Variants in KDM4C observed in about 807,000 individuals in gnomAD.
KDM4C encodes the protein lysine-specific demethylase 4C.
A neutral mutation model predicts 129.3 loss-of-function variants in KDM4C; 81 were observed. The observed-to-expected ratio is 0.63, with a 90% confidence interval of 0.52 to 0.75. The LOEUF (loss-of-function observed/expected upper bound fraction) is 0.75. Among genes scored for constraint, KDM4C ranks in the 30% least tolerant of loss-of-function variants. KDM4C has a pLI of 0.00. For missense variants in KDM4C, 1,457 were observed against 1,304.0 expected, an observed-to-expected ratio of 1.12 and a Z score of -1.81; for synonymous variants, 573 against 456.1, an observed-to-expected ratio of 1.26 and a Z score of -3.26.
chr9:6,736,136 A>G (rs558126555), intron 1 of KDM4C, among the ~76,000 whole-genome samples: 1 of 152,168 alleles, frequency 6.6e-6, no homozygotes, highest in African/African-American at 2.4e-5. Flanking sequence ...ATTTCCTAGC[A>G]TGAAAGCATT....
At chr9:7,116,278 G>T (rs1210403946) in intron 18 of KDM4C, among the ~76,000 whole-genome samples, 1 of 151,984 alleles carries the variant, frequency 6.6e-6, no homozygotes, top group Non-Finnish European at 1.5e-5. Flanking sequence ...ACATTTCTCA[G>T]GAATTAGAAG....
chr9:6,795,681 T>C (rs1196466833), intron 2 of KDM4C, among the ~76,000 whole-genome samples: 1 of 150,982 alleles, frequency 6.6e-6, no homozygotes, highest in Non-Finnish European at 1.5e-5. Context: ...TTTTTTTTTC[T>C]TTTTTTTTGA....
intron 15 of KDM4C, among the ~76,000 whole-genome samples, chr9:7,017,659 G>A (rs1288567551): frequency 6.6e-6 from 1 of 152,152 alleles, no homozygotes; most frequent in African/African-American, 2.4e-5. Flanking sequence ...TCAGACCTCA[G>A]CAGTGTATGC....
intron 18 of KDM4C, among the ~76,000 whole-genome samples, chr9:7,112,301 G>A (rs1838415201): frequency 6.6e-6 from 1 of 152,154 alleles, no homozygotes. Context: ...CGAGGTTTAT[G>A]TGTGGGGCAG....
chr9:6,931,624 C>T (rs1248180492), intron 8 of KDM4C, among the ~76,000 whole-genome samples: 1 of 152,128 alleles, frequency 6.6e-6, no homozygotes, highest in African/African-American at 2.4e-5. Context: ...CCTCAGCCTC[C>T]TGAGTAGCTG....
At chr9:7,149,786 C>T (rs1842564164) in intron 19 of KDM4C, among the ~76,000 whole-genome samples, 1 of 152,110 alleles carries the variant, frequency 6.6e-6, no homozygotes, top group Non-Finnish European at 1.5e-5. Context: ...TCAGAGAGTC[C>T]CTAAGCACAA....
intron 2 of KDM4C, among the ~76,000 whole-genome samples, chr9:6,799,537 C>T (rs999634674): frequency 4.6e-5 from 7 of 151,014 alleles, no homozygotes; most frequent in African/African-American, 1.7e-4. Flanking sequence ...TTCGGCTTGG[C>T]ATGAGAGGGA....
intron 6 of KDM4C, 139 bp downstream of exon 6, chr9:6,880,200 T>TAAAA (rs1233699413): frequency 4.3e-5 from 20 of 460,300 alleles, no homozygotes; most frequent in African/African-American, 3.6e-4. Context: ...GACTTTTACA[T>TAAAA]GTTTTTTTAA....
chr9:6,779,438 A>G lies in KDM4C; in HGVS notation c.-17-13534A>G, dbSNP rs78759765. On this transcript the variant is annotated intron_variant, in intron 1 of 21. Transcript: ENST00000381309. The stretch of plus-strand genomic sequence containing the variant: ...GCAGAAGTAGCTTGGGTCTGAAGAA[A>G]TAGTTCTGGCACGATTCCTGACCCC... Among the ~76,000 whole-genome samples, 110 of 152,184 alleles carry G rather than the reference A, an allele frequency of 7.2e-4. No homozygotes were observed. The East Asian group carries it at 0.019, about 26-fold the overall frequency.
intron 1 of KDM4C, among the ~76,000 whole-genome samples, chr9:6,736,775 G>T (rs969641804): frequency 6.6e-6 from 1 of 152,100 alleles, no homozygotes; most frequent in Admixed American, 6.6e-5. Context: ...TATCCACCAG[G>T]AGCAGTGGCT....
At chr9:6,976,213 C>T (rs754408481) in intron 8 of KDM4C, among the ~76,000 whole-genome samples, 24 of 152,106 alleles carry the variant, frequency 1.6e-4, no homozygotes, top group Non-Finnish European at 3.1e-4. Context: ...TTACCACCAC[C>T]AGACATATTC....
At chr9:6,882,993 C>T (rs1016737847) in intron 6 of KDM4C, among the ~76,000 whole-genome samples, 1 of 152,058 alleles carries the variant, frequency 6.6e-6, no homozygotes, top group Non-Finnish European at 1.5e-5. Context: ...CAAAGTTGGG[C>T]ATATACGTAG....
At chr9:6,764,934 T>TCC (rs1223941096) in intron 1 of KDM4C, among the ~76,000 whole-genome samples, 7 of 152,214 alleles carry the variant, frequency 4.6e-5, no homozygotes, top group Non-Finnish European at 7.3e-5. Flanking sequence ...CTCACTCATT[T>TCC]CATTATGAGT....
In KDM4C at chr9:6,730,288, A is replaced by T. The variant is rs1262060347; in HGVS notation, c.49+9291A>T. On this transcript the variant is annotated intron_variant, in intron 1 of 17. Coordinates refer to the KDM4C transcript ENST00000536108. Reference sequence around the variant, plus strand: ...GATACTTTATAGTATGGGCTTGTTAATAGAAAAACTTCAACTGAATTAAAT... The same window carrying T: ...GATACTTTATAGTATGGGCTTGTTATTAGAAAAACTTCAACTGAATTAAAT... Among the ~76,000 whole-genome samples the T allele has an allele frequency of 2.0e-5, 3 of 152,262 alleles. No individual in the cohort carries two copies. The South Asian group carries it at 6.2e-4, about 32-fold the overall frequency.
At chr9:6,809,319 G>A (rs982415337) in intron 3 of KDM4C, among the ~76,000 whole-genome samples, 3 of 152,146 alleles carry the variant, frequency 2.0e-5, no homozygotes, top group Non-Finnish European at 2.9e-5. Context: ...TAAGTGCAAT[G>A]CTGTTGAAAC....
intron 6 of KDM4C, 133 bp downstream of exon 6, chr9:6,880,194 T>G: frequency 2.1e-6 from 1 of 465,488 alleles, no homozygotes; most frequent in Non-Finnish European, 3.8e-6. Flanking sequence ...GTTATTGACT[T>G]TTACATGTTT....
intron 15 of KDM4C, among the ~76,000 whole-genome samples, chr9:7,033,972 A>C (rs185029514): frequency 2.5e-4 from 38 of 152,264 alleles, no homozygotes; most frequent in Admixed American, 1.8e-3. Context: ...TTGAGTGGCA[A>C]AAATTAATTC....
chr9:7,086,802 A>G (rs1835169542), intron 17 of KDM4C, among the ~76,000 whole-genome samples: 1 of 152,198 alleles, frequency 6.6e-6, no homozygotes, highest in Non-Finnish European at 1.5e-5. Context: ...GTTCTTTTCT[A>G]TATCCCAACT....
intron 17 of KDM4C, among the ~76,000 whole-genome samples, chr9:7,052,909 G>GCGA (rs767668455): frequency 1.0e-5 from 1 of 100,150 alleles, no homozygotes. Context: ...GAGCGAGCGA[G>GCGA]TGCCCAAGGG....
Sources: allele counts gnomAD v4.1 joint callset (sites outside exome capture counted in the v4.1 genomes callset), GRCh38; gene constraint gnomAD v4.1.1; transcripts MANE v1.5; gene names NCBI Gene and HGNC (gene_info 2026-07-23, HGNC 2026-07-21).